LSAMP: variants seen among roughly 807,000 people sequenced by gnomAD.
The protein encoded by LSAMP is limbic system-associated membrane protein.
LSAMP carries 7 observed loss-of-function variants against 38.6 expected under a neutral mutation model. The observed-to-expected ratio is 0.18, with a 90% CI of 0.10 to 0.34. The LOEUF is 0.34. Ranked by LOEUF, LSAMP falls within the 10% of genes least tolerant of loss-of-function variation. LSAMP has a pLI of 1.00. For synonymous variants in LSAMP, 154 were observed against 166.8 expected, an observed-to-expected ratio of 0.92 and a Z score of 0.59; for missense variants, 313 against 420.0, an observed-to-expected ratio of 0.75 and a Z score of 2.23.
At chr3:116,169,902 G>A (rs899841996) in intron 1 of LSAMP, among the ~76,000 whole-genome samples, 51 of 152,154 alleles carry the variant, frequency 3.4e-4, no homozygotes, top group African/African-American at 1.2e-3. Context: ...AAGTGGGCAT[G>A]AGTGTGAGAA....
rs544894933 is a variant in LSAMP, at chr3:116,082,487, TGAC to T, written c.388+3834_388+3836del. ...ATGTGGTTCTCTGGAATCTGCATTT[TGAC>T]AAGCATAGTAAGCCAAAATGTTGAC... On this transcript the variant is annotated intron_variant, in intron 2 of 6. Coordinates refer to ENST00000490035, the MANE Select transcript of LSAMP (RefSeq NM_002338.5). 5.1e-3 allele frequency among the ~76,000 whole-genome samples: 784 copies of T among 152,290 alleles called. 1 individual carries two copies. The highest frequency in any genetic ancestry group is 0.018 in the African/African-American group (746 of 41,560).
At position 116,399,025 on chromosome 3, in the gene LSAMP, C is replaced by T. The variant is rs143900846; in HGVS notation, c.155+45852G>A. ...GGAAGAACTGTGAAAGAGAAACTTG[C>T]ACATTGAAAGGCATGGAAGAAGTTC... On this transcript the variant is annotated intron_variant, in intron 1 of 6. Coordinates refer to ENST00000490035, the MANE Select transcript of LSAMP (RefSeq NM_002338.5). Among the ~76,000 whole-genome samples the T allele has an allele frequency of 6.2e-3, 941 of 152,198 alleles. 9 individuals carry two copies. The highest frequency in any genetic ancestry group is 0.022 in the African/African-American group (893 of 41,522).
At chr3:116,142,312 T>C (rs1709388223) in intron 1 of LSAMP, among the ~76,000 whole-genome samples, 1 of 152,046 alleles carries the variant, frequency 6.6e-6, no homozygotes, top group African/African-American at 2.4e-5. Context: ...TTCCCAGGAA[T>C]GACCCACCTA....
intron 1 of LSAMP, among the ~76,000 whole-genome samples, chr3:116,305,581 A>G (rs72950125): frequency 1.3e-5 from 2 of 152,066 alleles, no homozygotes; most frequent in Non-Finnish European, 2.9e-5. Context: ...GCCAGCTTGC[A>G]TGAAAAAAAT....
intron 1 of LSAMP, among the ~76,000 whole-genome samples, chr3:116,351,622 T>G (rs2048141222): frequency 6.6e-6 from 1 of 152,036 alleles, no homozygotes; most frequent in South Asian, 2.1e-4. Flanking sequence ...ATAAGAATAC[T>G]CCACTGGAAA....
At chr3:115,817,365 C>T (rs12485597) in intron 6 of LSAMP, among the ~76,000 whole-genome samples, 27,112 of 152,152 alleles carry the variant, frequency 0.18, 2,804 homozygotes, top group Admixed American at 0.24. Flanking sequence ...ATATGCTCCA[C>T]GAGGGCAGCA....
intron 1 of LSAMP, among the ~76,000 whole-genome samples, chr3:116,222,021 T>A (rs1301048825): frequency 2.6e-5 from 4 of 151,992 alleles, no homozygotes; most frequent in African/African-American, 4.8e-5. Context: ...TCCCACTCCA[T>A]TGGACTCACC....
At chr3:115,906,030 C>A (rs1206479284) in intron 3 of LSAMP, among the ~76,000 whole-genome samples, 2 of 152,080 alleles carry the variant, frequency 1.3e-5, no homozygotes, top group African/African-American at 4.8e-5. Flanking sequence ...TTCCTCTGAC[C>A]ACTGGACCTT....
chr3:116,085,993 A>C (rs1046503475), intron 2 of LSAMP, among the ~76,000 whole-genome samples: 5 of 152,218 alleles, frequency 3.3e-5, no homozygotes, highest in African/African-American at 1.2e-4. Flanking sequence ...GGAAAAGTGT[A>C]CTTCATATGG....
chr3:116,215,274 C>T (rs2046206109), intron 1 of LSAMP, among the ~76,000 whole-genome samples: 1 of 152,196 alleles, frequency 6.6e-6, no homozygotes, highest in African/African-American at 2.4e-5. Flanking sequence ...GAAATCTTAG[C>T]TGGTCTTTGG....
intron 1 of LSAMP, among the ~76,000 whole-genome samples, chr3:116,271,175 T>C (rs1302039319): frequency 6.6e-6 from 1 of 152,118 alleles, no homozygotes; most frequent in African/African-American, 2.4e-5. Flanking sequence ...CTATTTCATA[T>C]GCAACAGCTT....
At chr3:116,207,533 C>T (rs1487005554) in intron 1 of LSAMP, among the ~76,000 whole-genome samples, 23 of 151,418 alleles carry the variant, frequency 1.5e-4, no homozygotes, top group South Asian at 2.1e-4. Flanking sequence ...GATTTTGCAG[C>T]GGCTGGTCCC....
chr3:115,820,101 A>AT (rs34531233), intron 6 of LSAMP, among the ~76,000 whole-genome samples: 27,027 of 151,064 alleles, frequency 0.18, 2,799 homozygotes, highest in Admixed American at 0.24. Flanking sequence ...TATAGACAGA[A>AT]TTTTTTTTTG....
In LSAMP at chr3:116,220,184, A is replaced by AC. The variant is rs2046264712; in HGVS notation, c.156-133629_156-133628insG. Among the ~76,000 whole-genome samples, 4 of 118,388 alleles carry AC rather than the reference A, an allele frequency of 3.4e-5. No homozygotes were observed. In the South Asian group the frequency reaches 1.2e-3, roughly 36 times the overall value. The allele number at this position is 118,388 out of a possible 152,430, so 77.7% of individuals were successfully genotyped here. ...GGTGACAGAGTGAGACTCCATCTCA[A>AC]AACACACACACACACACACACACAC... is the stretch of plus-strand genomic sequence containing the variant. On this transcript the variant is annotated intron_variant, in intron 1 of 6. Coordinates refer to ENST00000490035, the MANE Select transcript of LSAMP (RefSeq NM_002338.5).
intron 1 of LSAMP, among the ~76,000 whole-genome samples, chr3:116,280,505 T>G (rs1324845631): frequency 1.3e-5 from 2 of 152,236 alleles, no homozygotes; most frequent in African/African-American, 4.8e-5. Context: ...GGGTCAGGAT[T>G]CAATCAACTG....
intron 3 of LSAMP, among the ~76,000 whole-genome samples, chr3:116,002,029 A>G (rs1218538183): frequency 6.6e-6 from 1 of 152,064 alleles, no homozygotes; most frequent in Non-Finnish European, 1.5e-5. Context: ...TTTCTCTTTG[A>G]CTTTAACTTT....
intron 1 of LSAMP, among the ~76,000 whole-genome samples, chr3:116,398,562 T>C (rs9289050): frequency 0.16 from 24,224 of 152,188 alleles, 2,260 homozygotes; most frequent in African/African-American, 0.26. Flanking sequence ...CCTTGGACTA[T>C]GCAGCACCTA....
intron 1 of LSAMP, among the ~76,000 whole-genome samples, chr3:116,199,885 G>A (rs1422957641): frequency 1.3e-5 from 2 of 152,104 alleles, no homozygotes; most frequent in Admixed American, 6.6e-5. Flanking sequence ...ATAAGGAAAG[G>A]TGAATCTATA....
intron 3 of LSAMP, among the ~76,000 whole-genome samples, chr3:115,865,480 T>G (rs1394019436): frequency 1.3e-5 from 2 of 152,224 alleles, no homozygotes. Flanking sequence ...TGAATCTATT[T>G]ATTTTCCCTT....
Sources: gnomAD v4.1 joint callset for allele counts (sites outside exome capture counted in the v4.1 genomes callset) on GRCh38, gnomAD v4.1.1 for gene constraint, MANE v1.5 for transcripts, NCBI Gene and HGNC (gene_info 2026-07-23, HGNC 2026-07-21) for gene names.